PDE1A: variants seen among roughly 807,000 people sequenced by gnomAD.
The protein encoded by PDE1A is phosphodiesterase 1A, also known as dual specificity calcium/calmodulin-dependent 3',5'-cyclic nucleotide phosphodiesterase 1A.
PDE1A carries 35 observed loss-of-function variants against 61.7 expected under a neutral mutation model. The ratio of observed to expected loss-of-function variants is 0.57; its 90% CI spans 0.43 to 0.75. The LOEUF (loss-of-function observed/expected upper bound fraction) is 0.75. Ranked by LOEUF, PDE1A falls within the 30% of genes least tolerant of loss-of-function variation. The probability of loss-of-function intolerance (pLI) is 0.00; values close to 1 mark genes in which losing one functional copy is unlikely to be tolerated. For synonymous variants in PDE1A, 232 were observed against 213.2 expected (o/e 1.09, Z -0.77); for missense variants, 597 against 630.6 (o/e 0.95, Z 0.57).
At chr2:182,158,437 T>C (rs777178188) in intron 13 of PDE1A, among the ~76,000 whole-genome samples, 27 of 152,216 alleles carry the variant, frequency 1.8e-4, no homozygotes, top group Admixed American at 3.9e-4. Context: ...CTTTATTTGA[T>C]GAAGTTTTTG....
intron 2 of PDE1A, among the ~76,000 whole-genome samples, chr2:182,472,131 T>C (rs1687065700): frequency 6.6e-6 from 1 of 151,956 alleles, no homozygotes; most frequent in African/African-American, 2.4e-5. Flanking sequence ...GTACCACCTT[T>C]ATGGAAAACA....
At chr2:182,523,323 CAA>C (rs1218259369), upstream of PDE1A, 1 of 151,904 alleles carries the variant, frequency 6.6e-6, no homozygotes, top group East Asian at 1.9e-4. Context: ...GAGAGAGGGA[CAA>C]GAGAGAAACT....
intron 2 of PDE1A, among the ~76,000 whole-genome samples, chr2:182,466,835 T>A (rs1686702140): frequency 6.6e-6 from 1 of 151,986 alleles, no homozygotes; most frequent in Non-Finnish European, 1.5e-5. Flanking sequence ...TTCTTCTTCC[T>A]AACTAGTGCC....
At chr2:182,211,330 T>C (rs1687578449) in intron 7 of PDE1A, among the ~76,000 whole-genome samples, 1 of 152,226 alleles carries the variant, frequency 6.6e-6, no homozygotes, top group Non-Finnish European at 1.5e-5. Flanking sequence ...GACTATATTT[T>C]TTGTAGGTTC....
At chr2:182,298,122 C>G (rs1321713774) in intron 1 of PDE1A, among the ~76,000 whole-genome samples, 1 of 152,126 alleles carries the variant, frequency 6.6e-6, no homozygotes, top group Non-Finnish European at 1.5e-5. Flanking sequence ...TGGTGTACTA[C>G]AGCACCACAA....
chr2:182,639,287 T>C, the PDE1A span, among the ~76,000 whole-genome samples: 2 of 151,902 alleles, frequency 1.3e-5, no homozygotes, highest in Non-Finnish European at 2.9e-5. Context: ...GGAAAGAAAG[T>C]GAGGATTAAA....
chr2:182,541,874 A>G, the PDE1A span, among the ~76,000 whole-genome samples: 1 of 152,202 alleles, frequency 6.6e-6, no homozygotes, highest in African/African-American at 2.4e-5. Flanking sequence ...ATTAAGTTTA[A>G]AAATTCCAAA....
At chr2:182,214,526 C>T (rs1006047743) in intron 7 of PDE1A, among the ~76,000 whole-genome samples, 4 of 151,868 alleles carry the variant, frequency 2.6e-5, no homozygotes, top group African/African-American at 9.7e-5. Flanking sequence ...ACCCATCTCA[C>T]ATGCAGAGAC....
At chr2:182,250,261 T>C (rs569572796) in intron 2 of PDE1A, among the ~76,000 whole-genome samples, 1 of 152,346 alleles carries the variant, frequency 6.6e-6, no homozygotes, top group East Asian at 1.9e-4. Flanking sequence ...AGGAAATCTT[T>C]AGTTGGAGGA....
chr2:182,599,709 TA>T, the PDE1A span, among the ~76,000 whole-genome samples: 1 of 152,132 alleles, frequency 6.6e-6, no homozygotes, highest in Non-Finnish European at 1.5e-5. Context: ...CTTTTACTAT[TA>T]AAAAAAATTA....
intron 2 of PDE1A, among the ~76,000 whole-genome samples, chr2:182,478,314 G>A (rs76244328): frequency 3.3e-5 from 5 of 151,454 alleles, no homozygotes; most frequent in Admixed American, 3.3e-4. Flanking sequence ...GTATTTCTGA[G>A]TCAAATACTG....
the PDE1A span, among the ~76,000 whole-genome samples, chr2:182,654,736 C>A: frequency 0.39 from 59,080 of 152,012 alleles, 13,778 homozygotes; most frequent in Admixed American, 0.55. Flanking sequence ...GGCTCTGGCT[C>A]TGTGAACTAG....
In PDE1A at chr2:182,231,063, A is replaced by T. The variant is rs753129782; in HGVS notation, c.486T>A (p.Phe162Leu). 6.2e-7 allele frequency: 1 copy of T among 1,608,322 alleles called. No individual in the cohort carries two copies. The highest frequency in any genetic ancestry group is 1.7e-5 in the Admixed American group (1 of 59,882). ...ATCTGGTAAACAGTTCATAAATCAT[A>T]AACTTCAGACTATGCTCTCCACTTG... is the stretch of plus-strand genomic sequence containing the variant. Residue 162 changes from phenylalanine to leucine, a missense_variant, in exon 5 of 14, where the codon TTT becomes TTA. Physicochemically the swap from Phe to Leu is conservative, Grantham distance 22 (BLOSUM62 0). Transcript: ENST00000351439.
the PDE1A span, among the ~76,000 whole-genome samples, chr2:182,695,802 C>T: frequency 6.6e-6 from 1 of 151,976 alleles, no homozygotes; most frequent in African/African-American, 2.4e-5. Flanking sequence ...AAGAAATTGG[C>T]CAAAGACCTT....
At chr2:182,597,193 A>G in the PDE1A span, among the ~76,000 whole-genome samples, 29 of 152,116 alleles carry the variant, frequency 1.9e-4, no homozygotes, top group Non-Finnish European at 4.3e-4. Flanking sequence ...ATCTAAACAC[A>G]TTATCTAAAA....
At chr2:182,602,702 A>G in the PDE1A span, among the ~76,000 whole-genome samples, 1 of 152,238 alleles carries the variant, frequency 6.6e-6, no homozygotes, top group African/African-American at 2.4e-5. Flanking sequence ...GAAGCAGAAT[A>G]AAATTGGGCA....
chr2:182,556,641 TATAAA>T, the PDE1A span, among the ~76,000 whole-genome samples: 6 of 152,190 alleles, frequency 3.9e-5, no homozygotes, highest in Admixed American at 6.5e-5. Flanking sequence ...TTATGGAGAC[TATAAA>T]ATAAATTTAC....
At chr2:182,595,312 G>C in the PDE1A span, among the ~76,000 whole-genome samples, 3 of 152,146 alleles carry the variant, frequency 2.0e-5, no homozygotes, top group Admixed American at 6.5e-5. Flanking sequence ...AGGACCTAAA[G>C]CTCCAACTTC....
At chr2:182,578,634 T>G in the PDE1A span, among the ~76,000 whole-genome samples, 1 of 152,228 alleles carries the variant, frequency 6.6e-6, no homozygotes, top group Non-Finnish European at 1.5e-5. Flanking sequence ...TAAGTACATT[T>G]ATACAATAGA....
Sources: gnomAD v4.1 joint callset for allele counts (sites outside exome capture counted in the v4.1 genomes callset) on GRCh38, gnomAD v4.1.1 for gene constraint, MANE v1.5 for transcripts, NCBI Gene and HGNC (gene_info 2026-07-23, HGNC 2026-07-21) for gene names.